PTPRS: variants seen among roughly 807,000 people sequenced by gnomAD.
PTPRS encodes receptor-type tyrosine-protein phosphatase S.
A neutral mutation model predicts 215.3 loss-of-function variants in PTPRS; 63 were observed. That is an observed-to-expected ratio of 0.29 (90% confidence interval 0.24 to 0.36). The LOEUF (loss-of-function observed/expected upper bound fraction) is 0.36, where lower values mean the gene tolerates loss of function less well. Among genes scored for constraint, PTPRS ranks in the 10% least tolerant of loss-of-function variants. The pLI is 1.00. For missense variants in PTPRS, 2,258 were observed against 2,825.8 expected (o/e 0.80, Z 4.56); for synonymous variants, 1,404 against 1,191.4 (o/e 1.18, Z -3.68).
chr19:5,333,783 G>A (rs1278022898), intron 1 of PTPRS, among the ~76,000 whole-genome samples: 1 of 152,154 alleles, frequency 6.6e-6, no homozygotes, highest in Non-Finnish European at 1.5e-5. Flanking sequence ...CCCCACAGCT[G>A]CTTAGATTCT....
chr19:5,319,025 T>A (rs2058087414), intron 1 of PTPRS, among the ~76,000 whole-genome samples: 1 of 152,120 alleles, frequency 6.6e-6, no homozygotes, highest in Non-Finnish European at 1.5e-5. Flanking sequence ...TTCTGGAAAC[T>A]TCTAATGGAA....
intron 1 of PTPRS, among the ~76,000 whole-genome samples, chr19:5,327,903 T>G (rs2050213204): frequency 6.6e-6 from 1 of 152,092 alleles, no homozygotes; most frequent in African/African-American, 2.4e-5. Flanking sequence ...GCCCGGGTAC[T>G]GGTTGACTCT....
At chr19:5,252,765 T>A (rs1444584299) in intron 9 of PTPRS, among the ~76,000 whole-genome samples, 1 of 147,566 alleles carries the variant, frequency 6.8e-6, no homozygotes, top group Non-Finnish European at 1.5e-5. Flanking sequence ...TCCCAGCTAC[T>A]TGGGAGGCTG....
At chr19:5,325,744 CCTT>C (rs899974776) in intron 1 of PTPRS, among the ~76,000 whole-genome samples, 3 of 152,234 alleles carry the variant, frequency 2.0e-5, no homozygotes, top group African/African-American at 7.2e-5. Flanking sequence ...CAATTCATCT[CCTT>C]CTCCTCAGTA....
intron 9 of PTPRS, among the ~76,000 whole-genome samples, chr19:5,248,631 C>G (rs1393259565): frequency 6.6e-6 from 1 of 152,254 alleles, no homozygotes; most frequent in Non-Finnish European, 1.5e-5. Flanking sequence ...TAAAGCCCCT[C>G]TCAGTCCACT....
chr19:5,316,603 G>T (rs531897240), intron 1 of PTPRS, among the ~76,000 whole-genome samples: 1 of 152,158 alleles, frequency 6.6e-6, no homozygotes, highest in South Asian at 2.1e-4. Context: ...ATGTTGGCCA[G>T]GCCGGTCTCC....
At chr19:5,286,322 A>C in intron 1 of PTPRS, 88 bp from the exon 2 acceptor site, 1 of 651,830 alleles carries the variant, frequency 1.5e-6, no homozygotes, top group Non-Finnish European at 2.7e-6. Context: ...CACATGGAGC[A>C]GGGGAGGGTC....
intron 2 of PTPRS, among the ~76,000 whole-genome samples, chr19:5,276,891 A>G (rs1568547461): frequency 6.6e-6 from 1 of 152,074 alleles, no homozygotes; most frequent in Non-Finnish European, 1.5e-5. Flanking sequence ...TGCACCTGGG[A>G]CAGGCTACAG....
At position 5,339,943 on chromosome 19, in the gene PTPRS, T is replaced by G. The variant is rs1317549893; in HGVS notation, c.-95+721A>C. 6.6e-6 allele frequency among the ~76,000 whole-genome samples: 1 copy of G among 150,774 alleles called. No individual in the cohort carries two copies. Among genetic ancestry groups the G allele is most frequent in the African/African-American group, 2.4e-5 (1 of 40,970 alleles). On this transcript the variant is annotated intron_variant, in intron 1 of 37. Transcript: ENST00000262963. The surrounding 1 kb of genome is among the most constrained non-coding windows in gnomAD (Gnocchi z 4.2). ...CTGGGGGCTGAGGCTCGCCCCTGGG[T>G]GGGGAGGCTGGAAGGGGGCGCCGAG...
At chr19:5,312,721 T>C (rs2049746542) in intron 1 of PTPRS, among the ~76,000 whole-genome samples, 2 of 152,166 alleles carry the variant, frequency 1.3e-5, no homozygotes, top group African/African-American at 4.8e-5. Context: ...CTAATATTTA[T>C]AGGTCACATA....
intron 5 of PTPRS, among the ~76,000 whole-genome samples, chr19:5,263,432 G>C (rs1220064953): frequency 2.0e-5 from 3 of 152,110 alleles, no homozygotes; most frequent in Non-Finnish European, 2.9e-5. Flanking sequence ...CTCTTTGGTG[G>C]GGGGCAACGA....
At chr19:5,231,791 G>A (rs972670621) in intron 13 of PTPRS, among the ~76,000 whole-genome samples, 176 bp from the exon 14 acceptor site, 1 of 151,926 alleles carries the variant, frequency 6.6e-6, no homozygotes, top group African/African-American at 2.4e-5. Flanking sequence ...ACCAAAGGTG[G>A]GATGGGCGGG....
chr19:5,232,272 G>T (rs1396069473), intron 13 of PTPRS, among the ~76,000 whole-genome samples: 1 of 111,452 alleles, frequency 9.0e-6, no homozygotes, highest in Non-Finnish European at 1.9e-5. Context: ...TTTATTAAAG[G>T]CTTATTATGT....
In PTPRS at chr19:5,212,445, G is replaced by A. The variant is rs1191088838; in HGVS notation, c.4661C>T (p.Ala1554Val). 1.4e-5 allele frequency: 23 copies of A among 1,599,954 alleles called. No homozygotes were observed. Among genetic ancestry groups the A allele is most frequent in the Non-Finnish European group, 2.0e-5 (23 of 1,173,296 alleles). The change falls in exon 31 of 38, where the codon GCG becomes GTG. Residue 1554 changes from alanine (A) to valine (V), a missense_variant. Ala to Val is a moderately conservative substitution (Grantham distance 64). Coordinates refer to ENST00000262963, the MANE Select transcript of PTPRS (RefSeq NM_002850.4). ...KREVRQFQFT[A>V]WPDHGVPEYP... is the part of the protein sequence containing the mutation. ...TTCGGGCACGCCATGGTCCGGCCAC[G>A]CCGTAAACTGGAACTGGCGGACCTC...
At chr19:5,299,178 C>T (rs928679824) in intron 1 of PTPRS, among the ~76,000 whole-genome samples, 6 of 152,208 alleles carry the variant, frequency 3.9e-5, no homozygotes, top group African/African-American at 1.2e-4. Flanking sequence ...CACAGCCCTC[C>T]ATGGCTCCCA....
At chr19:5,216,403 T>C (rs932980455) in intron 26 of PTPRS, among the ~76,000 whole-genome samples, 2 of 152,030 alleles carry the variant, frequency 1.3e-5, no homozygotes, top group African/African-American at 2.4e-5. Flanking sequence ...CATGTGTCCC[T>C]AGCTGTCCTG....
intron 2 of PTPRS, among the ~76,000 whole-genome samples, chr19:5,275,796 A>C (rs2047312363): frequency 6.6e-6 from 1 of 151,688 alleles, no homozygotes; most frequent in Non-Finnish European, 1.5e-5. Context: ...ACAGAGTGAG[A>C]CTCCGTCTCA....
At chr19:5,258,774 C>T (rs2146265822) in intron 7 of PTPRS, among the ~76,000 whole-genome samples, 1 of 152,280 alleles carries the variant, frequency 6.6e-6, no homozygotes, top group Non-Finnish European at 1.5e-5. Context: ...AACGTTGATG[C>T]TGGTGTGTAT....
In PTPRS at chr19:5,212,401, C is replaced by G; in HGVS notation, c.4705G>C (p.Ala1569Pro). The G allele has an allele frequency of 6.2e-7, 1 of 1,606,576 alleles. No individual in the cohort carries two copies. The highest frequency in any genetic ancestry group is 8.5e-7 in the Non-Finnish European group (1 of 1,176,470). ...GVPEYPTPFL[A>P]FLRRVKTCNP... Reference sequence around the variant, plus strand: ...CAGGTCTTGACTCTCCGCAGGAAAGCCAGGAAGGGCGTTGGGTATTCGGGC... The same window carrying G: ...CAGGTCTTGACTCTCCGCAGGAAAGGCAGGAAGGGCGTTGGGTATTCGGGC... The change falls in exon 31 of 38, where the codon GCT (alanine) becomes CCT (proline). Residue 1569 changes from alanine (A) to proline (P), a missense_variant. This residue lies in a region of PTPRS where 927 missense variants were observed against 1,125.9 expected (regional missense o/e 0.82). Coordinates refer to ENST00000262963, the MANE Select transcript of PTPRS (RefSeq NM_002850.4).
Sources: gnomAD v4.1 joint callset for allele counts (sites outside exome capture counted in the v4.1 genomes callset) on GRCh38, gnomAD v4.1.1 for gene constraint, gnomAD v4.1.1 regional missense constraint, Gnocchi (gnomAD v3.1) non-coding constraint, MANE v1.5 for transcripts, NCBI Gene and HGNC (gene_info 2026-07-23, HGNC 2026-07-21) for gene names.